Variants in BIRC5 observed in about 807,000 individuals in gnomAD.
The protein encoded by BIRC5 is baculoviral IAP repeat-containing protein 5.
BIRC5 carries 8 observed loss-of-function variants against 15.8 expected under a neutral mutation model. The ratio of observed to expected loss-of-function variants is 0.51; its 90% confidence interval spans 0.30 to 0.91. The LOEUF (loss-of-function observed/expected upper bound fraction) is 0.91, where lower values mean the gene tolerates loss of function less well. BIRC5 is among the 40% of genes least tolerant of loss of function. The pLI, the probability that BIRC5 is intolerant of heterozygous loss-of-function variation, is 0.07. For missense variants in BIRC5, 163 were observed against 178.6 expected (o/e 0.91, Z 0.50); for synonymous variants, 56 against 64.5 (o/e 0.87, Z 0.63).
chr17:78,218,606 ATT>A (rs1249282902), intron 3 of BIRC5, among the ~76,000 whole-genome samples: 1 of 100,124 alleles, frequency 1.0e-5, no homozygotes, highest in Admixed American at 1.0e-4. Context: ...AAATTTTTTG[ATT>A]TTTTTTTTTT....
chr17:78,218,695 C>T (rs35131269), intron 3 of BIRC5, among the ~76,000 whole-genome samples: 33,217 of 151,368 alleles, frequency 0.22, 4,345 homozygotes, highest in Non-Finnish European at 0.29. Context: ...CTCCGCCTCC[C>T]GGGTTCACGC....
chr17:78,222,945 C>A, intron 3 of BIRC5: 2 of 1,528,604 alleles, frequency 1.3e-6, no homozygotes, highest in Non-Finnish European at 1.7e-6. Flanking sequence ...TTTAACTGGA[C>A]ATGAAGAGGA....
At chr17:78,218,722 C>A (rs962563334) in intron 3 of BIRC5, among the ~76,000 whole-genome samples, 1 of 151,868 alleles carries the variant, frequency 6.6e-6, no homozygotes, top group African/African-American at 2.4e-5. Context: ...TCTGCCTCAG[C>A]CTCCTGAGTA....
Position 78,216,661 on chromosome 17 carries a change from T to C in BIRC5, c.222-3T>C, listed in dbSNP as rs1279773381. 6.2e-7 allele frequency: 1 copy of C among 1,613,086 alleles called. No individual in the cohort carries two copies. Among genetic ancestry groups the C allele is most frequent in the South Asian group, 1.1e-5 (1 of 91,054 alleles). ...CTTTCCGCTGTTGTTTTGATTTTTC[T>C]AGAGAGGAACATAAAAAGCATTCGT... is the stretch of plus-strand genomic sequence containing the variant. On this transcript the variant is annotated splice_region_variant and splice_polypyrimidine_tract_variant and intron_variant, in intron 2 of 3. Coordinates refer to ENST00000350051, the MANE Select transcript of BIRC5 (RefSeq NM_001168.3).
chr17:78,217,566 G>A (rs1319136831), intron 3 of BIRC5, among the ~76,000 whole-genome samples: 8 of 151,848 alleles, frequency 5.3e-5, no homozygotes, highest in East Asian at 1.9e-4. Context: ...ACGGGATCTC[G>A]GCTCACTGCA....
intron 3 of BIRC5, among the ~76,000 whole-genome samples, chr17:78,218,655 T>G (rs1180959989): frequency 6.7e-6 from 1 of 149,030 alleles, no homozygotes; most frequent in East Asian, 2.0e-4. Context: ...CAGGCTGGAG[T>G]GCAGTGGCAC....
chr17:78,214,775 A>C lies in BIRC5; in HGVS notation c.207A>C (p.Pro69=), dbSNP rs747924458. 1 of 1,612,904 alleles carries C rather than the reference A, an allele frequency of 6.2e-7. No individual in the cohort carries two copies. Among genetic ancestry groups the C allele is most frequent in the Non-Finnish European group, 8.5e-7 (1 of 1,179,482 alleles). Residue 69 remains proline (P), a synonymous_variant, in exon 2 of 4, where the codon CCA becomes CCC. Coordinates refer to ENST00000350051, the MANE Select transcript of BIRC5 (RefSeq NM_001168.3). ...TCAAGGAGCTGGAAGGCTGGGAGCC[A>C]GATGACGACCCCATGTAAGTCTTCT... The part of the protein sequence containing the change: ...FCFKELEGWE[P]DDDPIEEHKK...
chr17:78,222,871 C>T, intron 3 of BIRC5: 2 of 1,536,020 alleles, frequency 1.3e-6, no homozygotes, highest in African/African-American at 1.4e-5. Context: ...AAGCCAGATT[C>T]AGGGAGGGAC....
At chr17:78,223,339 CCAG>C in intron 3 of BIRC5, 123 bp from the exon 4 acceptor site, 2 of 895,940 alleles carry the variant, frequency 2.2e-6, no homozygotes, top group Non-Finnish European at 3.3e-6. Flanking sequence ...TCTGCCTAGC[CCAG>C]TGCCCAGTTT....
chr17:78,217,688 G>T (rs1024479403), intron 3 of BIRC5, among the ~76,000 whole-genome samples: 5 of 150,774 alleles, frequency 3.3e-5, no homozygotes, highest in Middle Eastern at 3.2e-3. Context: ...TAGTAGAGAC[G>T]GGTTTTCACC....
chr17:78,221,920 A>G (rs1301267531), intron 3 of BIRC5, among the ~76,000 whole-genome samples: 1 of 152,134 alleles, frequency 6.6e-6, no homozygotes, highest in African/African-American at 2.4e-5. Context: ...CTGCTGGGCC[A>G]GGTGCAGTGG....
At chr17:78,220,224 C>T (rs1201937151) in intron 3 of BIRC5, among the ~76,000 whole-genome samples, 13 of 152,060 alleles carry the variant, frequency 8.5e-5, no homozygotes, top group Admixed American at 5.9e-4. Context: ...GTCAGGAGAT[C>T]GAGACCATCC....
At position 78,223,695 on chromosome 17, in the gene BIRC5, T is replaced by G; in HGVS notation, c.*141T>G. 6.8e-7 allele frequency: 1 copy of G among 1,477,412 alleles called. No homozygotes were observed. The allele number at this position is 1,477,412 out of a possible 1,614,324, so 91.5% of individuals were successfully genotyped here. ...ACATTTTCAAATTAGATGTTTCAACTGTGCTCTTGTTTTGTCTTGAAAGTG... is the reference window on the plus strand; with the variant it reads ...ACATTTTCAAATTAGATGTTTCAACGGTGCTCTTGTTTTGTCTTGAAAGTG... On this transcript the variant is annotated 3_prime_UTR_variant, in exon 4 of 4. Transcript: ENST00000350051.
chr17:78,217,077 A>G (rs1053510500), intron 3 of BIRC5, among the ~76,000 whole-genome samples: 1 of 151,360 alleles, frequency 6.6e-6, no homozygotes, highest in African/African-American at 2.4e-5. Flanking sequence ...ATGGGGTTTC[A>G]CCACATTGCC....
chr17:78,216,048 G>C (rs2076475329), intron 2 of BIRC5: 4 of 894,532 alleles, frequency 4.5e-6, no homozygotes, highest in Non-Finnish European at 4.2e-6. Flanking sequence ...AGGAGATCGA[G>C]ACCATCTTGG....
At chr17:78,223,303 G>A (rs1320345471) in intron 3 of BIRC5, among the ~76,000 whole-genome samples, 162 bp from the exon 4 acceptor site, 4 of 152,216 alleles carry the variant, frequency 2.6e-5, no homozygotes, top group Admixed American at 2.0e-4. Context: ...AGCTGAATCA[G>A]GATGTTTGTC....
At position 78,224,564 on chromosome 17, in the gene BIRC5, G is replaced by A. The variant is rs1381778918; in HGVS notation, c.*1010G>A. On this transcript the variant is annotated 3_prime_UTR_variant, in exon 4 of 4. Transcript: ENST00000350051. The stretch of plus-strand genomic sequence containing the variant: ...AGGCAGCAGCTCCCGCAGGGCTGAA[G>A]TCTGGCGTAAGATGATGGATTTGAT... The A allele has an allele frequency of 1.3e-5, 2 of 152,264 alleles. No individual in the cohort carries two copies. Among genetic ancestry groups the A allele is most frequent in the Middle Eastern group, 3.2e-3 (1 of 316 alleles). 9.4% of individuals were successfully genotyped at this position (152,264 alleles called of 1,614,324 possible).
intron 2 of BIRC5, 32 bp from the exon 3 acceptor site, chr17:78,216,632 C>T: frequency 6.2e-7 from 1 of 1,601,676 alleles, no homozygotes; most frequent in African/African-American, 1.3e-5. Flanking sequence ...ATCCCTTCAG[C>T]TGCCTTTCCG....
At chr17:78,219,803 G>T (rs1458964814) in intron 3 of BIRC5, among the ~76,000 whole-genome samples, 1 of 152,220 alleles carries the variant, frequency 6.6e-6, no homozygotes, top group African/African-American at 2.4e-5. Flanking sequence ...AAAAGGCCAT[G>T]ACGGGCTGTA....
Sources: gnomAD v4.1 joint callset for allele counts (sites outside exome capture counted in the v4.1 genomes callset) on GRCh38, gnomAD v4.1.1 for gene constraint, MANE v1.5 for transcripts, NCBI Gene and HGNC (gene_info 2026-07-23, HGNC 2026-07-21) for gene names.